Variants in BCOR observed in about 807,000 individuals in gnomAD.
BCOR encodes the protein BCL-6 corepressor.
A neutral mutation model predicts 86.7 loss-of-function variants in BCOR; 10 were observed. That is an observed-to-expected ratio of 0.12 (90% CI 0.07 to 0.20). The LOEUF is 0.20. BCOR is among the 10% of genes least tolerant of loss of function. The pLI, the probability that BCOR is intolerant of heterozygous loss-of-function variation, is 1.00. For synonymous variants in BCOR, 611 were observed against 609.0 expected, an observed-to-expected ratio of 1.00 and a Z score of -0.05; for missense variants, 1,259 against 1,452.1, an observed-to-expected ratio of 0.87 and a Z score of 2.16.
intron 1 of BCOR, among the ~76,000 whole-genome samples, chrX:40,106,489 G>A (rs1461587019): frequency 1.8e-5 from 2 of 111,084 alleles, no homozygotes; most frequent in Non-Finnish European, 3.8e-5. Flanking sequence ...GCCCAGCGCC[G>A]ACGACTCGGC....
intron 1 of BCOR, among the ~76,000 whole-genome samples, chrX:40,123,794 G>T (rs899579674): frequency 9.7e-5 from 9 of 93,118 alleles, no homozygotes; most frequent in Non-Finnish European, 1.9e-4. Flanking sequence ...AGGTTTCCTG[G>T]TTGTGTGTGT....
chrX:40,070,525 C>T (rs1434311466), intron 6 of BCOR, among the ~76,000 whole-genome samples: 1 of 111,788 alleles, frequency 8.9e-6, no homozygotes, highest in African/African-American at 3.3e-5. Flanking sequence ...CCAATTCTCC[C>T]CCACCCCCCA....
Position 40,074,285 on chromosome X carries a change from T to C in BCOR, c.1061A>G (p.Tyr354Cys). ...HLPTQPAADT[Y>C]SEFHKHYARI... Reference sequence around the variant, plus strand: ...GGCATAGTGCTTGTGGAACTCCGAGTAGGTGTCTGCAGCAGGCTGGGTGGG... The same window carrying C: ...GGCATAGTGCTTGTGGAACTCCGAGCAGGTGTCTGCAGCAGGCTGGGTGGG... Residue 354 changes from tyrosine (Y) to cysteine (C), a missense_variant, in exon 4 of 15, where the codon TAC becomes TGC. By Grantham distance (194) the Tyr-to-Cys change is radical. Around this residue, in one of 7 missense-constraint regions of BCOR, gnomAD observed 534 missense variants for 594.8 expected, o/e 0.90. Coordinates refer to ENST00000378444, the MANE Select transcript of BCOR (RefSeq NM_001123385.2). The C allele has an allele frequency of 8.3e-7, 1 of 1,211,515 alleles. No individual in the cohort carries two copies. Among genetic ancestry groups the C allele is most frequent in the Non-Finnish European group, 1.1e-6 (1 of 895,469 alleles).
intron 6 of BCOR, 86 bp downstream of exon 6, chrX:40,070,887 C>T: frequency 3.2e-6 from 3 of 939,983 alleles, no homozygotes; most frequent in Non-Finnish European, 3.1e-6. Context: ...CCCTTCATTC[C>T]ATGCATGGCA....
intron 3 of BCOR, among the ~76,000 whole-genome samples, chrX:40,075,684 G>A (rs1935774416): frequency 9.0e-6 from 1 of 111,593 alleles, no homozygotes; most frequent in Non-Finnish European, 1.9e-5. Context: ...GCTTGAACCC[G>A]GGAGGTGGAG....
At chrX:40,097,998 G>A (rs1412208453), upstream of BCOR, among the ~76,000 whole-genome samples, 1 of 100,078 alleles carries the variant, frequency 1.0e-5, no homozygotes, top group African/African-American at 3.7e-5. Context: ...CCCCCTCCCT[G>A]GTTCCCTCCT....
chrX:40,088,157 T>G (rs1301522513), intron 1 of BCOR, among the ~76,000 whole-genome samples: 1 of 111,721 alleles, frequency 9.0e-6, no homozygotes, highest in Non-Finnish European at 1.9e-5. Context: ...AAACAATCAG[T>G]CCTCGAGCTC....
chrX:40,063,574 C>T (rs201241049), intron 8 of BCOR, 34 bp downstream of exon 8: 263 of 1,124,566 alleles, frequency 2.3e-4, no homozygotes, highest in African/African-American at 2.0e-3. Flanking sequence ...CCTCCAGGAG[C>T]GGGGTGAACA....
At chrX:40,088,924 T>C (rs781323935) in intron 1 of BCOR, among the ~76,000 whole-genome samples, 2 of 112,020 alleles carry the variant, frequency 1.8e-5, no homozygotes, top group South Asian at 7.3e-4. Flanking sequence ...TTCCTAACCA[T>C]ATAATGATCC....
intron 11 of BCOR, among the ~76,000 whole-genome samples, chrX:40,056,253 G>A (rs1441985972): frequency 1.0e-5 from 1 of 95,846 alleles, no homozygotes; most frequent in African/African-American, 4.1e-5. Flanking sequence ...CATCATGGAA[G>A]CCAATACAAC....
In BCOR at chrX:40,125,515, T is replaced by G. The variant is rs772464936; in HGVS notation, c.-40-47546A>C. Among the ~76,000 whole-genome samples the G allele has an allele frequency of 2.9e-3, 324 of 111,618 alleles. 1 individual carries two copies. Among genetic ancestry groups the G allele is most frequent in the African/African-American group, 0.01 (312 of 30,742 alleles). On this transcript the variant is annotated intron_variant, in intron 1 of 14. Coordinates refer to the BCOR transcript ENST00000342274. ...TCCCAAAGTGCTGTGATTACAGGCA[T>G]GAGCCACCACATCTGGACCTCTTCA...
intron 1 of BCOR, among the ~76,000 whole-genome samples, chrX:40,110,431 TTGAAACCTTCCAGGGCATGCG>T (rs1324672818): frequency 9.1e-6 from 1 of 110,397 alleles, no homozygotes; most frequent in Non-Finnish European, 1.9e-5. Flanking sequence ...TTTCCAATTT[TTGAAACCTTCCAGGGCATGCG>T]TGTCATTGAA....
intron 1 of BCOR, among the ~76,000 whole-genome samples, chrX:40,139,476 TATATATATATATATATATATA>T (rs1937843475): frequency 8.5e-5 from 1 of 11,812 alleles, no homozygotes; most frequent in Non-Finnish European, 1.2e-4. Context: ...TATATATATA[TATATATATATATATATATATA>T]TTTTTTTTTT....
At chrX:40,112,706 G>A (rs1013159828) in intron 1 of BCOR, among the ~76,000 whole-genome samples, 1 of 111,580 alleles carries the variant, frequency 9.0e-6, no homozygotes, top group Non-Finnish European at 1.9e-5. Flanking sequence ...GTAGCACCGC[G>A]CCCAGCCACA....
At chrX:40,143,850 G>A (rs1280782983) in intron 1 of BCOR, among the ~76,000 whole-genome samples, 1 of 112,215 alleles carries the variant, frequency 8.9e-6, no homozygotes, top group Non-Finnish European at 1.9e-5. Flanking sequence ...CCAGCTACTC[G>A]GGAGGCTGAC....
intron 1 of BCOR, among the ~76,000 whole-genome samples, chrX:40,139,749 T>G (rs1937875317): frequency 9.9e-6 from 1 of 101,177 alleles, no homozygotes; most frequent in African/African-American, 3.6e-5. Context: ...AGGCAGAGAT[T>G]GCGGTGAGCC....
Position 40,052,373 on chromosome X carries a change from A to G in BCOR, c.5004T>C (p.Asp1668=). ...QGPRNWLLLS[D]VLKKLKMSSR... ...AGGACATTTTCAATTTCTTAAGGAC[A>G]TCCGAAAGCAGTAGCCAGTTTCGTG... Residue 1668 remains aspartate, a synonymous_variant, in exon 15 of 15, where the codon GAT becomes GAC. Coordinates refer to ENST00000378444, the MANE Select transcript of BCOR (RefSeq NM_001123385.2). 8.3e-7 allele frequency: 1 copy of G among 1,210,609 alleles called. No homozygotes were observed. Among genetic ancestry groups the G allele is most frequent in the Non-Finnish European group, 1.1e-6 (1 of 894,647 alleles).
chrX:40,172,186 C>G (rs748748275), intron 1 of BCOR, among the ~76,000 whole-genome samples: 1 of 112,900 alleles, frequency 8.9e-6, no homozygotes, highest in African/African-American at 3.2e-5. Flanking sequence ...TAGACTACTA[C>G]TAGCGGTGGC....
In BCOR at chrX:40,063,092, G is replaced by A. The variant is rs374549542; in HGVS notation, c.3848-21C>T. The A allele has an allele frequency of 3.2e-4, 346 of 1,067,699 alleles. 6 individuals carry two copies. Among genetic ancestry groups the A allele is most frequent in the Non-Finnish European group, 4.1e-4 (323 of 794,709 alleles). 88.0% of individuals were successfully genotyped at this position (1,067,699 alleles called of 1,213,427 possible). ...CAAGCCTAAATACGGAGGGGGTGAC[G>A]GGGTGGCGGGCGGATGGGAGACGGG... On this transcript the variant is annotated intron_variant, in intron 8 of 14. Transcript: ENST00000378444.
Sources: allele counts gnomAD v4.1 joint callset (sites outside exome capture counted in the v4.1 genomes callset), GRCh38; gene constraint gnomAD v4.1.1; regional missense constraint gnomAD v4.1.1; transcripts MANE v1.5; gene names NCBI Gene and HGNC (gene_info 2026-07-23, HGNC 2026-07-21).